The following CFAP126 variants were observed in gnomAD, a reference collection of about 807,000 sequenced individuals.
CFAP126 encodes cilia and flagella associated protein 126, also known as protein Flattop.
Under a neutral mutation model 17.1 loss-of-function variants are expected in CFAP126, and 21 were observed. The ratio of observed to expected loss-of-function variants is 1.23; its 90% CI spans 0.87 to 1.77. CFAP126 has a LOEUF of 1.77. Among genes scored for constraint, CFAP126 ranks in the 40% most tolerant of loss-of-function variants. CFAP126 has a pLI of 0.00. For synonymous variants in CFAP126, 65 were observed against 73.5 expected (o/e 0.88, Z 0.59); for missense variants, 174 against 215.4 (o/e 0.81, Z 1.20).
rs1672749552 is a variant in CFAP126 at position 161,366,941 on chromosome 1, T to C, written c.28-440A>G. ...GGTGCATGCCACCATGTCCAGCTAA[T>C]TTTTAAATTTACTTGTAGAGACGAG... On this transcript the variant is annotated intron_variant, in intron 1 of 4. Transcript: ENST00000367974. 4 of 179,672 alleles carry C rather than the reference T, an allele frequency of 2.2e-5. No homozygotes were observed. The South Asian group carries it at 4.4e-4, about 20-fold the overall frequency. The allele number at this position is 179,672 out of a possible 1,614,324, so 11.1% of individuals were successfully genotyped here.
Position 161,365,011 on chromosome 1 carries a change from G to A in CFAP126, c.488C>T (p.Pro163Leu). 6.2e-7 allele frequency: 1 copy of A among 1,614,202 alleles called. No individual in the cohort carries two copies. The highest frequency in any genetic ancestry group is 1.1e-5 in the South Asian group (1 of 91,082). The change falls in exon 5 of 5, where the codon CCC becomes CTC. Residue 163 changes from proline (P) to leucine (L), a missense_variant. By Grantham distance (98) the Pro-to-Leu change is moderately conservative. Coordinates refer to ENST00000367974, the MANE Select transcript of CFAP126 (RefSeq NM_001013625.4). ...GGGACCTGGAGTATGACCTGCAGAG[G>A]GGTGTGAGCTTTGGAGTTCATCTGG... ...NSPDELQSSHPSAGHTPGPQR... is the reference protein window; with the variant it reads ...NSPDELQSSHLSAGHTPGPQR...
chr1:161,365,842 T>TA, intron 3 of CFAP126, 140 bp from the exon 4 acceptor site: 1 of 840,320 alleles, frequency 1.2e-6, no homozygotes, highest in Non-Finnish European at 1.8e-6. Context: ...CACCCTTCCT[T>TA]ATCCCCCTCC....
In CFAP126 at chr1:161,366,189, G is replaced by A. The variant is rs1450307152; in HGVS notation, c.171+9C>T. Reference sequence around the variant, plus strand: ...GACTTTCTTGATAGGAGTGAAGATAGTATCTCACCTTGGAACGGGGCACAG... The same window carrying A: ...GACTTTCTTGATAGGAGTGAAGATAATATCTCACCTTGGAACGGGGCACAG... On this transcript the variant is annotated intron_variant, in intron 3 of 4. Transcript: ENST00000367974. 1.3e-6 allele frequency: 2 copies of A among 1,591,116 alleles called. No individual in the cohort carries two copies. The highest frequency in any genetic ancestry group is 2.7e-5 in the African/African-American group (2 of 74,402).
chr1:161,366,367 G>A (rs1325469400), intron 2 of CFAP126, 72 bp downstream of exon 2: 2 of 1,571,790 alleles, frequency 1.3e-6, no homozygotes, highest in Non-Finnish European at 1.8e-6. Flanking sequence ...TGGGAGTTTA[G>A]AGAATGCTAA....
chr1:161,365,750 C>CT, intron 3 of CFAP126, 48 bp from the exon 4 acceptor site: 1 of 1,459,800 alleles, frequency 6.9e-7, no homozygotes, highest in Non-Finnish European at 9.3e-7. Context: ...CTCCCAGTAA[C>CT]TGACTTAGAC....
At chr1:161,365,791 G>T (rs1047826279) in intron 3 of CFAP126, 89 bp from the exon 4 acceptor site, 6 of 1,179,124 alleles carry the variant, frequency 5.1e-6, no homozygotes, top group African/African-American at 1.5e-5. Context: ...TTACCTTTAG[G>T]AATGCATGGT....
chr1:161,366,369 G>T, intron 2 of CFAP126, 70 bp downstream of exon 2: 1 of 1,571,352 alleles, frequency 6.4e-7, no homozygotes, highest in Non-Finnish European at 8.8e-7. Context: ...GGAGTTTAGA[G>T]AATGCTAAAA....
At position 161,364,877 on chromosome 1, in the gene CFAP126, A is replaced by C; in HGVS notation, c.*88T>G. ...TTTTCAGTGTGTGGCCACTTGGTCC[A>C]TATGAAGTTCCAGGTTTGTATTTCT... On this transcript the variant is annotated 3_prime_UTR_variant, in exon 5 of 5. Coordinates refer to ENST00000367974, the MANE Select transcript of CFAP126 (RefSeq NM_001013625.4). The C allele has an allele frequency of 7.8e-7, 1 of 1,289,084 alleles. No individual in the cohort carries two copies. Among genetic ancestry groups the C allele is most frequent in the Non-Finnish European group, 1.1e-6 (1 of 911,718 alleles). The allele number at this position is 1,289,084 out of a possible 1,614,324, so 79.9% of individuals were successfully genotyped here.
intron 1 of CFAP126, chr1:161,367,035 A>G (rs1672751826): frequency 6.5e-6 from 1 of 154,470 alleles, no homozygotes; most frequent in Non-Finnish European, 1.4e-5. Context: ...TCAGCCTCCC[A>G]AAGTGTTGGG....
chr1:161,366,683 G>T, intron 1 of CFAP126, 182 bp from the exon 2 acceptor site: 1 of 610,540 alleles, frequency 1.6e-6, no homozygotes, highest in Non-Finnish European at 2.9e-6. Context: ...ATGGAGCCGG[G>T]AGCCACATGG....
rs1484086752 is a variant in CFAP126, at chr1:161,366,215, A to C, written c.154T>G (p.Ser52Ala). Reference sequence around the variant, plus strand: ...TATCTCACCTTGGAACGGGGCACAGAAGGCAGTAGATGACCACGATCGTTG... The same window carrying C: ...TATCTCACCTTGGAACGGGGCACAGCAGGCAGTAGATGACCACGATCGTTG... The part of the protein sequence containing the change: ...IANDRGHLLP[S>A]VPRSKANPWG... Residue 52 changes from serine (S) to alanine (A), a missense_variant, in exon 3 of 5, where the codon TCT becomes GCT. Coordinates refer to ENST00000367974, the MANE Select transcript of CFAP126 (RefSeq NM_001013625.4). The C allele has an allele frequency of 1.2e-6, 2 of 1,612,576 alleles. No individual in the cohort carries two copies. Among genetic ancestry groups the C allele is most frequent in the Non-Finnish European group, 8.5e-7 (1 of 1,178,586 alleles).
At position 161,366,421 on chromosome 1, in the gene CFAP126, G is replaced by T. The variant is rs1214239186; in HGVS notation, c.90+18C>A. The T allele has an allele frequency of 6.2e-7, 1 of 1,609,426 alleles. No individual in the cohort carries two copies. Among genetic ancestry groups the T allele is most frequent in the Non-Finnish European group, 8.5e-7 (1 of 1,175,808 alleles). On this transcript the variant is annotated intron_variant, in intron 2 of 4. Coordinates refer to ENST00000367974, the MANE Select transcript of CFAP126 (RefSeq NM_001013625.4). ...GAGAGCATGAGGCTATCTTGTAGGTGCACTGAACATGGAATACCTCTTTTG... is the reference window on the plus strand; with the variant it reads ...GAGAGCATGAGGCTATCTTGTAGGTTCACTGAACATGGAATACCTCTTTTG...
At chr1:161,365,732 G>T in intron 3 of CFAP126, 30 bp from the exon 4 acceptor site, 1 of 1,531,880 alleles carries the variant, frequency 6.5e-7, no homozygotes, top group Non-Finnish European at 8.8e-7. Context: ...CCTCAGTAGG[G>T]CTTCTCACTC....
chr1:161,366,630 G>T, intron 1 of CFAP126, 129 bp from the exon 2 acceptor site: 1 of 824,378 alleles, frequency 1.2e-6, no homozygotes, highest in African/African-American at 1.7e-5. Flanking sequence ...AAGTCACTAT[G>T]ACAAGGGTGT....
In CFAP126 at chr1:161,364,957, G is replaced by T. The variant is rs753750882; in HGVS notation, c.*8C>A. 6.2e-7 allele frequency: 1 copy of T among 1,612,980 alleles called. No individual in the cohort carries two copies. The highest frequency in any genetic ancestry group is 8.5e-7 in the Non-Finnish European group (1 of 1,179,172). The stretch of plus-strand genomic sequence containing the variant: ...AGTTCTAGCATACGTGGACTTCCAG[G>T]TGGGCTCTTAGGATTTGGCTGGTCT... On this transcript the variant is annotated 3_prime_UTR_variant, in exon 5 of 5. Transcript: ENST00000367974.
chr1:161,365,252 G>C (rs944226928), intron 4 of CFAP126, 102 bp from the exon 5 acceptor site: 1 of 1,204,360 alleles, frequency 8.3e-7, no homozygotes, highest in Non-Finnish European at 1.2e-6. Flanking sequence ...CCATACCATG[G>C]GCAGTAGATC....
In CFAP126 at chr1:161,365,763, C is replaced by T. The variant is rs116762015; in HGVS notation, c.172-61G>A. On this transcript the variant is annotated intron_variant, in intron 3 of 4. Coordinates refer to ENST00000367974, the MANE Select transcript of CFAP126 (RefSeq NM_001013625.4). ...CACTCCCAGTAACTGACTTAGACCT[C>T]TGTATTATTTCCTTTCTTTACCTTT... 4.2e-3 allele frequency: 5,893 copies of T among 1,393,234 alleles called. 132 individuals are homozygous for T. In the African/African-American group the frequency reaches 0.062, roughly 15 times the overall value. 86.3% of individuals were successfully genotyped at this position (1,393,234 alleles called of 1,614,324 possible). A position where few individuals can be genotyped will look rare whatever the true frequency, so the allele number is the denominator to read the frequency against.
chr1:161,365,926 G>A (rs1237323822), intron 3 of CFAP126: 6 of 608,862 alleles, frequency 9.9e-6, no homozygotes, highest in Non-Finnish European at 1.7e-5. Flanking sequence ...TCCTTAGGCC[G>A]AGTGTGGCAA....
At chr1:161,365,776 T>G in intron 3 of CFAP126, 74 bp from the exon 4 acceptor site, 2 of 1,306,492 alleles carry the variant, frequency 1.5e-6, no homozygotes, top group Non-Finnish European at 2.1e-6. Flanking sequence ...TATTATTTCC[T>G]TTCTTTACCT....
Sources: allele counts gnomAD v4.1 joint callset, GRCh38; gene constraint gnomAD v4.1.1; transcripts MANE v1.5; gene names NCBI Gene and HGNC (gene_info 2026-07-23, HGNC 2026-07-21).